MAJIN: variants seen among roughly 807,000 people sequenced by gnomAD.
MAJIN encodes the protein membrane-anchored junction protein.
MAJIN carries 27 observed loss-of-function variants against 30.2 expected under a neutral mutation model. That is an observed-to-expected ratio of 0.89 (90% CI 0.66 to 1.23). The LOEUF (loss-of-function observed/expected upper bound fraction) is 1.23, where lower values mean the gene tolerates loss of function less well. MAJIN is among the 50% of genes most tolerant of loss of function. The pLI, the probability that MAJIN is intolerant of heterozygous loss-of-function variation, is 0.00. For synonymous variants in MAJIN, 78 were observed against 91.6 expected, an observed-to-expected ratio of 0.85 and a Z score of 0.85; for missense variants, 253 against 260.3, an observed-to-expected ratio of 0.97 and a Z score of 0.19.
intron 5 of MAJIN, 23 bp downstream of exon 5, chr11:64,950,329 CAAA>C (rs71049671): frequency 3.4e-3 from 4,111 of 1,208,518 alleles, no homozygotes; most frequent in East Asian, 0.01. Context: ...GACTCCATCT[CAAA>C]AAAAAAAAAA....
In MAJIN at chr11:64,947,798, G is replaced by C. The variant is rs375560959; in HGVS notation, c.371C>G (p.Pro124Arg). ...AAAAGGCAAACTTACCAACCCAAGA[G>C]GACTGTCACTTATTGGTTTCCCTAC... ...LSPGKPISDS[P>R]LGLVPVEKKA... Residue 124 changes from proline to arginine, a missense_variant, in exon 7 of 11, where the codon CCT becomes CGT. Transcript: ENST00000301896. The C allele has an allele frequency of 1.1e-5, 18 of 1,612,868 alleles. No individual in the cohort carries two copies. The highest frequency in any genetic ancestry group is 1.6e-4 in the Middle Eastern group (1 of 6,080).
rs1565129853 is a variant in MAJIN, at chr11:64,950,425, A to G, written c.153T>C (p.Ser51=). The G allele has an allele frequency of 6.2e-7, 1 of 1,613,222 alleles. No individual in the cohort carries two copies. The highest frequency in any genetic ancestry group is 1.3e-5 in the African/African-American group (1 of 75,020). ...KEVITQELED[S]VRVVLGNLDN... ...CCAAGTTTCCCAAGACCACGCGGAC[A>G]GAATCCTGAAAAACATATTTGAAAT... Residue 51 remains serine, a synonymous_variant, in exon 5 of 11, where the codon TCT becomes TCC. Coordinates refer to ENST00000301896, the MANE Select transcript of MAJIN (RefSeq NM_001037225.3).
intron 6 of MAJIN, among the ~76,000 whole-genome samples, chr11:64,948,629 A>G (rs1565127107): frequency 2.6e-4 from 11 of 41,746 alleles, no homozygotes; most frequent in African/African-American, 1.4e-3. Context: ...ATATATATAT[A>G]TATATATATA....
Position 64,967,389 on chromosome 11 carries a change from A to G in MAJIN, c.-65+4488T>C, listed in dbSNP as rs187085542. On this transcript the variant is annotated intron_variant, in intron 1 of 10. Transcript: ENST00000301896. ...CCATTGCACTCCAGCTTGGGCAACAAGAGCGAAACTCTGTCTCAAAAAAGA... is the reference window on the plus strand; with the variant it reads ...CCATTGCACTCCAGCTTGGGCAACAGGAGCGAAACTCTGTCTCAAAAAAGA... Among the ~76,000 whole-genome samples the G allele has an allele frequency of 3.7e-4, 56 of 152,284 alleles. 1 individual carries two copies. The East Asian group carries it at 9.0e-3, about 25-fold the overall frequency.
chr11:64,956,245 G>A (rs1393643634), intron 3 of MAJIN, among the ~76,000 whole-genome samples: 1 of 152,118 alleles, frequency 6.6e-6, no homozygotes, highest in Non-Finnish European at 1.5e-5. Flanking sequence ...GTTTTGGTGA[G>A]CTGAGATTGC....
At chr11:64,954,341 T>G (rs1408761518) in intron 4 of MAJIN, 1 of 292,858 alleles carries the variant, frequency 3.4e-6, no homozygotes, top group Non-Finnish European at 6.6e-6. Flanking sequence ...GTTGCCAATT[T>G]AAATGAAGAC....
chr11:64,941,439 C>T (rs1334146732), intron 8 of MAJIN, among the ~76,000 whole-genome samples: 4 of 151,970 alleles, frequency 2.6e-5, no homozygotes, highest in Non-Finnish European at 2.9e-5. Context: ...ATGGATCATC[C>T]GAGGTCAGCA....
chr11:64,970,336 C>G (rs1345359535), intron 1 of MAJIN, among the ~76,000 whole-genome samples: 1 of 138,624 alleles, frequency 7.2e-6, no homozygotes, highest in Admixed American at 7.1e-5. Context: ...GCACTCCAGC[C>G]TGGGGGACAA....
chr11:64,959,725 C>CAG (rs1347108957), intron 2 of MAJIN, among the ~76,000 whole-genome samples: 1 of 152,188 alleles, frequency 6.6e-6, no homozygotes, highest in Admixed American at 6.5e-5. Flanking sequence ...CCTGATGACT[C>CAG]AGAGTCTTTG....
intron 4 of MAJIN, 92 bp from the exon 5 acceptor site, chr11:64,950,522 T>C: frequency 9.7e-7 from 1 of 1,030,476 alleles, no homozygotes; most frequent in Non-Finnish European, 1.5e-6. Context: ...CCCTATACAC[T>C]ATCAAAACTG....
intron 8 of MAJIN, among the ~76,000 whole-genome samples, chr11:64,943,765 A>G (rs373952547): frequency 2.6e-5 from 4 of 152,240 alleles, no homozygotes; most frequent in African/African-American, 4.8e-5. Flanking sequence ...GTGTCAAACT[A>G]AGAATAGGAA....
intron 2 of MAJIN, 114 bp from the exon 3 acceptor site, chr11:64,959,536 G>A (rs1945691189): frequency 1.4e-6 from 1 of 720,972 alleles, no homozygotes; most frequent in African/African-American, 1.8e-5. Flanking sequence ...CCAACACTAA[G>A]CACTACTGCC....
intron 3 of MAJIN, among the ~76,000 whole-genome samples, chr11:64,957,525 T>A (rs1231032270): frequency 6.6e-6 from 1 of 152,194 alleles, no homozygotes; most frequent in Non-Finnish European, 1.5e-5. Context: ...TGTCTCAGCC[T>A]CCCGAGTAGC....
intron 1 of MAJIN, among the ~76,000 whole-genome samples, chr11:64,964,978 C>G (rs1231613896): frequency 1.3e-5 from 2 of 152,126 alleles, no homozygotes; most frequent in Non-Finnish European, 2.9e-5. Context: ...CTCTATTATT[C>G]TCAGTTTTCT....
At chr11:64,953,119 G>T (rs188797752) in intron 4 of MAJIN, among the ~76,000 whole-genome samples, 1 of 152,312 alleles carries the variant, frequency 6.6e-6, no homozygotes, top group Admixed American at 6.5e-5. Flanking sequence ...TATGACATAC[G>T]TTGAATGTAA....
intron 3 of MAJIN, among the ~76,000 whole-genome samples, chr11:64,956,043 G>A (rs1416808699): frequency 2.0e-5 from 3 of 152,164 alleles, no homozygotes; most frequent in Admixed American, 1.3e-4. Flanking sequence ...GCTTACGCCT[G>A]TAATCCCAGC....
chr11:64,949,186 C>T (rs1044287547), intron 6 of MAJIN, among the ~76,000 whole-genome samples: 11 of 150,128 alleles, frequency 7.3e-5, no homozygotes, highest in South Asian at 2.1e-4. Context: ...AAAAATTAGC[C>T]GGGGATGGTC....
Position 64,954,778 on chromosome 11 carries a change from T to C in MAJIN, c.126A>G (p.Glu42=). Residue 42 remains glutamate, a synonymous_variant, in exon 4 of 11, where the codon GAA becomes GAG. Coordinates refer to ENST00000301896, the MANE Select transcript of MAJIN (RefSeq NM_001037225.3). ...CTACCTCCAGCTCCTGGGTGATGAC[T>C]TCCTTATTTTCTATCTCTTCTCCTC... ...SIRGEEIENK[E]VITQELEDSV... 1 of 1,612,810 alleles carries C rather than the reference T, an allele frequency of 6.2e-7. No individual in the cohort carries two copies. The highest frequency in any genetic ancestry group is 1.3e-5 in the African/African-American group (1 of 74,948).
intron 3 of MAJIN, 24 bp from the exon 4 acceptor site, chr11:64,954,826 CAAGT>C (rs1490168915): frequency 1.3e-6 from 2 of 1,589,990 alleles, no homozygotes; most frequent in African/African-American, 2.7e-5. Flanking sequence ...AGACAAGAGA[CAAGT>C]AAGACATGAA....
Sources: gnomAD v4.1 joint callset for allele counts (sites outside exome capture counted in the v4.1 genomes callset) on GRCh38, gnomAD v4.1.1 for gene constraint, MANE v1.5 for transcripts, NCBI Gene and HGNC (gene_info 2026-07-23, HGNC 2026-07-21) for gene names.